PTTG1IP2: variants seen among roughly 807,000 people sequenced by gnomAD.
PTTG1IP2 encodes the protein PTTG1IP family member 2.
intron 6 of PTTG1IP2, among the ~76,000 whole-genome samples, chr7:90,501,754 G>A (rs897135501): frequency 6.6e-6 from 1 of 152,162 alleles, no homozygotes; most frequent in Non-Finnish European, 1.5e-5. Flanking sequence ...TCTAGTGAGG[G>A]TCTTCCGTTG....
intron 6 of PTTG1IP2, among the ~76,000 whole-genome samples, chr7:90,504,005 T>C (rs1456795342): frequency 6.6e-6 from 1 of 151,926 alleles, no homozygotes; most frequent in East Asian, 1.9e-4. Context: ...AAAAATGGGA[T>C]GGTTTGGTGA....
At chr7:90,481,648 C>A (rs1377643978) in intron 2 of PTTG1IP2, among the ~76,000 whole-genome samples, 1 of 152,140 alleles carries the variant, frequency 6.6e-6, no homozygotes, top group East Asian at 1.9e-4. Flanking sequence ...TCTTATCCCT[C>A]CTTTTAGAGG....
intron 2 of PTTG1IP2, among the ~76,000 whole-genome samples, chr7:90,481,610 G>A (rs763772994): frequency 2.0e-5 from 3 of 152,086 alleles, no homozygotes; most frequent in Non-Finnish European, 4.4e-5. Flanking sequence ...TGATAACATT[G>A]CTGTCATTTT....
chr7:90,499,566 T>A (rs185403685), intron 6 of PTTG1IP2, among the ~76,000 whole-genome samples: 2 of 152,202 alleles, frequency 1.3e-5, no homozygotes, highest in Admixed American at 1.3e-4. Flanking sequence ...TTTTGATCAG[T>A]GTTCTTTATT....
intron 1 of PTTG1IP2, among the ~76,000 whole-genome samples, chr7:90,478,261 G>A (rs905904715): frequency 6.6e-6 from 1 of 152,150 alleles, no homozygotes; most frequent in African/African-American, 2.4e-5. Flanking sequence ...AGAGCTCTGA[G>A]AACAGTGGCC....
rs17869822 is a variant in PTTG1IP2, at chr7:90,510,145, A to G, written c.*51-3133A>G. The stretch of plus-strand genomic sequence containing the variant: ...GGGAAAGAGCACTGGGATCTGTAGC[A>G]ATATCTGCCCTGTGTGGAAGGGCGG... On this transcript the variant is annotated intron_variant, in intron 6 of 6. Coordinates refer to ENST00000509356, the MANE Select transcript of PTTG1IP2 (RefSeq NM_001365443.2). 5.3e-3 allele frequency among the ~76,000 whole-genome samples: 813 copies of G among 152,262 alleles called. 8 individuals carry two copies. The highest frequency in any genetic ancestry group is 0.019 in the African/African-American group (779 of 41,558).
intron 2 of PTTG1IP2, among the ~76,000 whole-genome samples, chr7:90,484,167 CT>C (rs545180736): frequency 1.2e-4 from 18 of 148,006 alleles, no homozygotes; most frequent in South Asian, 6.5e-4. Context: ...AAATCATTGG[CT>C]TTTTTTTTTC....
chr7:90,478,575 A>G lies in PTTG1IP2; in HGVS notation c.146-653A>G, dbSNP rs1231713887. 3.3e-5 allele frequency among the ~76,000 whole-genome samples: 5 copies of G among 152,224 alleles called. No individual in the cohort carries two copies. In the East Asian group the frequency reaches 9.6e-4, roughly 29 times the overall value. On this transcript the variant is annotated intron_variant, in intron 1 of 6. Transcript: ENST00000509356. ...ACAGAGCCTGTGAACTCTGTCCCCA[A>G]AATAATAGAGAGAGCAACTTTATTG...
intron 2 of PTTG1IP2, among the ~76,000 whole-genome samples, chr7:90,479,568 A>G (rs1168871831): frequency 2.0e-5 from 3 of 152,232 alleles, no homozygotes; most frequent in African/African-American, 7.2e-5. Flanking sequence ...TAATTTTTGT[A>G]AGTAAAGGAA....
intron 1 of PTTG1IP2, among the ~76,000 whole-genome samples, chr7:90,474,630 G>A (rs575161287): frequency 6.6e-6 from 1 of 152,284 alleles, no homozygotes; most frequent in South Asian, 2.1e-4. Flanking sequence ...GGCAGCAGAG[G>A]CAACTGCCCC....
chr7:90,479,789 A>G (rs942570839), intron 2 of PTTG1IP2, among the ~76,000 whole-genome samples: 2 of 152,216 alleles, frequency 1.3e-5, no homozygotes, highest in Non-Finnish European at 2.9e-5. Context: ...TGTGTCACAG[A>G]CAGGTTTGCA....
chr7:90,483,754 A>G (rs536680169), intron 2 of PTTG1IP2, among the ~76,000 whole-genome samples: 1 of 152,278 alleles, frequency 6.6e-6, no homozygotes, highest in South Asian at 2.1e-4. Context: ...TTGGCTTTAT[A>G]CAGGCCCTAT....
chr7:90,485,073 G>T (rs962571224), intron 2 of PTTG1IP2, among the ~76,000 whole-genome samples: 10 of 152,188 alleles, frequency 6.6e-5, no homozygotes, highest in Admixed American at 6.5e-4. Flanking sequence ...TAGGAATAGG[G>T]TGAGGGAAAA....
intron 2 of PTTG1IP2, among the ~76,000 whole-genome samples, chr7:90,480,448 A>T (rs1434551665): frequency 6.6e-6 from 1 of 152,206 alleles, no homozygotes; most frequent in African/African-American, 2.4e-5. Context: ...TAAAGAAAGC[A>T]ATATAATAAA....
chr7:90,485,370 TA>T (rs1584693809), intron 2 of PTTG1IP2, among the ~76,000 whole-genome samples: 1 of 152,176 alleles, frequency 6.6e-6, no homozygotes, highest in Non-Finnish European at 1.5e-5. Context: ...CCCCCAGCTC[TA>T]AGTCTGAAAT....
chr7:90,482,505 ACC>A (rs11307924), intron 2 of PTTG1IP2, among the ~76,000 whole-genome samples: 260 of 147,724 alleles, frequency 1.8e-3, no homozygotes, highest in African/African-American at 5.8e-3. Flanking sequence ...CACATTTACA[ACC>A]CCCCCCCCAC....
intron 4 of PTTG1IP2, among the ~76,000 whole-genome samples, chr7:90,490,794 AG>A (rs1165631825): frequency 2.6e-5 from 4 of 152,162 alleles, no homozygotes; most frequent in Non-Finnish European, 5.9e-5. Flanking sequence ...CCATAAGAGT[AG>A]GGGCCTGAGC....
intron 2 of PTTG1IP2, among the ~76,000 whole-genome samples, chr7:90,480,938 T>C (rs1468390053): frequency 6.6e-6 from 1 of 152,214 alleles, no homozygotes; most frequent in Non-Finnish European, 1.5e-5. Flanking sequence ...TTTGGATTAA[T>C]TTTGGACTTT....
At chr7:90,478,623 G>C (rs1208647630) in intron 1 of PTTG1IP2, among the ~76,000 whole-genome samples, 1 of 152,074 alleles carries the variant, frequency 6.6e-6, no homozygotes, top group Non-Finnish European at 1.5e-5. Flanking sequence ...AAAACAACTA[G>C]GACATTAATT....
Sources: gnomAD v4.1 joint callset for allele counts (sites outside exome capture counted in the v4.1 genomes callset) on GRCh38, gnomAD v4.1.1 for gene constraint, MANE v1.5 for transcripts, NCBI Gene and HGNC (gene_info 2026-07-23, HGNC 2026-07-21) for gene names.